The following INKA2 variants were observed in gnomAD, a reference collection of about 807,000 sequenced individuals.
INKA2 encodes inka box actin regulator 2.
A neutral mutation model predicts 9.8 loss-of-function variants in INKA2; 3 were observed. That is an observed-to-expected ratio of 0.31 (90% CI 0.14 to 0.79). INKA2 has a LOEUF of 0.79. INKA2 is among the 30% of genes least tolerant of loss of function. The pLI, the probability that INKA2 is intolerant of heterozygous loss-of-function variation, is 0.62. For missense variants in INKA2, 392 were observed against 384.4 expected (o/e 1.02, Z -0.17); for synonymous variants, 147 against 143.3 (o/e 1.03, Z -0.18).
chr1:111,755,762 G>T (rs751880444), exon 1 of INKA2: 4 of 1,613,466 alleles, frequency 2.5e-6, no homozygotes, highest in African/African-American at 2.7e-5. Flanking sequence ...TTTTTTGTGT[G>T]TCTGGGCAGT....
Position 111,727,026 on chromosome 1 carries a change from G to A in INKA2, c.836C>T (p.Pro279Leu), listed in dbSNP as rs772468594. The A allele has an allele frequency of 1.7e-5, 27 of 1,613,914 alleles. No individual in the cohort carries two copies. The highest frequency in any genetic ancestry group is 3.4e-4 in the Middle Eastern group (2 of 5,964). ...RRGENPPTSC[P>L]KALEHSPSGF... ...TGAGGGTGAGTGCTCCAGGGCCTTG[G>A]GGCAGCTTGTGGGGGGATTCTCCCC... The change falls in exon 2 of 2, where the codon CCC (proline) becomes CTC (leucine). Residue 279 changes from proline (P) to leucine (L), a missense_variant. Transcript: ENST00000357260.
chr1:111,727,382 G>A lies in INKA2; in HGVS notation c.480C>T (p.Asn160=), dbSNP rs369292741. The A allele has an allele frequency of 6.8e-6, 11 of 1,613,754 alleles. No individual in the cohort carries two copies. Among genetic ancestry groups the A allele is most frequent in the Middle Eastern group, 1.6e-4 (1 of 6,084 alleles). ...AATTGCCCACCAGGTCTGCAAAAAC[G>A]TTGTCCCCTAACACCAGAGGCTGTC... The part of the protein sequence containing the change: ...RNRQPLVLGD[N]VFADLVGNWL... Residue 160 remains asparagine (N), a synonymous_variant, in exon 2 of 2, where the codon AAC becomes AAT. Coordinates refer to ENST00000357260, the MANE Select transcript of INKA2 (RefSeq NM_019099.5).
At chr1:111,737,387 C>T (rs746101422) in intron 1 of INKA2, among the ~76,000 whole-genome samples, 3 of 152,124 alleles carry the variant, frequency 2.0e-5, no homozygotes, top group Non-Finnish European at 4.4e-5. Context: ...AAATGCAAAT[C>T]AGTAGGATTT....
chr1:111,726,700 GACACACACATGCACAC>G lies in INKA2; in HGVS notation c.*252_*267del. ...AAAGTGAGTGCATGCATGCCAGACA[GACACACACATGCACAC>G]ACACACACACACACGCACAGCTCAC... is the stretch of plus-strand genomic sequence containing the variant. On this transcript the variant is annotated 3_prime_UTR_variant, in exon 2 of 2. Transcript: ENST00000357260. 2 of 482,304 alleles carry G rather than the reference GACACACACATGCACAC, an allele frequency of 4.1e-6. No individual in the cohort carries two copies. Among genetic ancestry groups the G allele is most frequent in the Non-Finnish European group, 7.4e-6 (2 of 270,444 alleles). The allele number at this position is 482,304 out of a possible 1,614,324, so 29.9% of individuals were successfully genotyped here.
intron 1 of INKA2, among the ~76,000 whole-genome samples, chr1:111,750,082 G>A (rs892998989): frequency 6.6e-6 from 1 of 152,234 alleles, no homozygotes; most frequent in Non-Finnish European, 1.5e-5. Context: ...CGAAAGAAGA[G>A]CAAACACGCC....
upstream of INKA2, chr1:111,739,512 G>A: frequency 8.5e-7 from 1 of 1,170,252 alleles, no homozygotes; most frequent in Non-Finnish European, 1.1e-6. Flanking sequence ...CCGGGAGGCC[G>A]GGCTGGGCGG....
intron 1 of INKA2, among the ~76,000 whole-genome samples, chr1:111,735,533 G>GA (rs1305579386): frequency 6.6e-6 from 1 of 152,188 alleles, no homozygotes; most frequent in Admixed American, 6.5e-5. Context: ...GATTTGAACT[G>GA]AAGTTGGCCT....
In INKA2 at chr1:111,723,294, T is replaced by C. The variant is rs3795822; in HGVS notation, c.*3674A>G. 1,727 of 520,628 alleles carry C rather than the reference T, an allele frequency of 3.3e-3. 48 individuals are homozygous for C. In the East Asian group the frequency reaches 0.05, roughly 15 times the overall value. The allele number at this position is 520,628 out of a possible 1,614,324, so 32.3% of individuals were successfully genotyped here. ...ATGTGGAGAGGACAGAGCAACCTTC[T>C]TTGGGGCAAGTTTGGGTTCAGAGAT... On this transcript the variant is annotated 3_prime_UTR_variant, in exon 2 of 2. Transcript: ENST00000357260.
chr1:111,738,455 C>T (rs989329100), intron 1 of INKA2, among the ~76,000 whole-genome samples: 4 of 151,992 alleles, frequency 2.6e-5, no homozygotes, highest in Non-Finnish European at 4.4e-5. Context: ...TCCGAACGCT[C>T]CCTGCGCACT....
upstream of INKA2, among the ~76,000 whole-genome samples, chr1:111,742,557 C>T (rs1663172437): frequency 6.6e-6 from 1 of 152,210 alleles, no homozygotes; most frequent in African/African-American, 2.4e-5. Flanking sequence ...GCACTGTAGC[C>T]TGGGTGACAA....
At chr1:111,727,949 G>T (rs941872100) in intron 1 of INKA2, 145 bp from the exon 2 acceptor site, 2 of 762,434 alleles carry the variant, frequency 2.6e-6, no homozygotes, top group Non-Finnish European at 4.5e-6. Context: ...ATAGCCTAGT[G>T]CAGTGCAGAT....
chr1:111,753,451 G>GA (rs1300014512), intron 1 of INKA2, among the ~76,000 whole-genome samples: 7 of 152,018 alleles, frequency 4.6e-5, no homozygotes, highest in African/African-American at 7.3e-5. Flanking sequence ...TGACTAGTGA[G>GA]AAAAAAAATT....
chr1:111,734,237 GC>G (rs3835604), intron 1 of INKA2, among the ~76,000 whole-genome samples: 8,700 of 152,270 alleles, frequency 0.057, 300 homozygotes, highest in Non-Finnish European at 0.078. Flanking sequence ...GTCTGCTTAG[GC>G]AAGGGGCAGA....
At chr1:111,738,896 C>T (rs1663070605) in intron 1 of INKA2, among the ~76,000 whole-genome samples, 1 of 152,222 alleles carries the variant, frequency 6.6e-6, no homozygotes, top group African/African-American at 2.4e-5. Context: ...TGGGCGTGCC[C>T]TATCTTCTCT....
chr1:111,750,346 T>G (rs1408999763), intron 1 of INKA2, among the ~76,000 whole-genome samples: 1 of 152,182 alleles, frequency 6.6e-6, no homozygotes, highest in African/African-American at 2.4e-5. Flanking sequence ...TAAAAATGGG[T>G]ATTTTCCACG....
At position 111,726,263 on chromosome 1, in the gene INKA2, TG is replaced by T. The variant is rs1299908396; in HGVS notation, c.*704del. 1.0e-5 allele frequency: 4 copies of T among 388,570 alleles called. No individual in the cohort carries two copies. The highest frequency in any genetic ancestry group is 1.8e-5 in the Non-Finnish European group (4 of 220,156). 24.1% of individuals were successfully genotyped at this position (388,570 alleles called of 1,614,324 possible). ...AAGGCATTCAAACAGCCCAGTGCTA[TG>T]TCAACATCCTTCCCCTGTGCATGGG... is the stretch of plus-strand genomic sequence containing the variant. On this transcript the variant is annotated 3_prime_UTR_variant, in exon 2 of 2. Transcript: ENST00000357260.
At position 111,726,887 on chromosome 1, in the gene INKA2, C is replaced by T. The variant is rs1662782619; in HGVS notation, c.*81G>A. ...TGGAGTTGGGCTTTCGAGAGCCATA[C>T]CGCCCACCCTCCCTCCTCCCCAGGG... On this transcript the variant is annotated 3_prime_UTR_variant, in exon 2 of 2. Coordinates refer to ENST00000357260, the MANE Select transcript of INKA2 (RefSeq NM_019099.5). 7.2e-7 allele frequency: 1 copy of T among 1,391,700 alleles called. No individual in the cohort carries two copies. The highest frequency in any genetic ancestry group is 9.9e-7 in the Non-Finnish European group (1 of 1,013,964). 86.2% of individuals were successfully genotyped at this position (1,391,700 alleles called of 1,614,324 possible).
chr1:111,749,767 C>T (rs1663358257), intron 1 of INKA2, among the ~76,000 whole-genome samples: 1 of 152,180 alleles, frequency 6.6e-6, no homozygotes, highest in Non-Finnish European at 1.5e-5. Flanking sequence ...CCATTTGTCT[C>T]TCACCCAGAT....
upstream of INKA2, among the ~76,000 whole-genome samples, chr1:111,743,063 G>T (rs1169086915): frequency 6.6e-6 from 1 of 152,142 alleles, no homozygotes. Context: ...TAAGTGATGA[G>T]AATAAAGCCT....
Sources: allele counts gnomAD v4.1 joint callset (sites outside exome capture counted in the v4.1 genomes callset), GRCh38; gene constraint gnomAD v4.1.1; transcripts MANE v1.5; gene names NCBI Gene and HGNC (gene_info 2026-07-23, HGNC 2026-07-21).